The following SLCO3A1 variants were observed in gnomAD, a reference collection of about 807,000 sequenced individuals.
The protein encoded by SLCO3A1 is solute carrier organic anion transporter family member 3A1, also known as PGE1 transporter.
In SLCO3A1, 27 loss-of-function variants were observed where a neutral mutation model predicts 63.1. That is an observed-to-expected ratio of 0.43 (90% CI 0.32 to 0.59). SLCO3A1 has a LOEUF of 0.59. Among genes scored for constraint, SLCO3A1 ranks in the 20% least tolerant of loss-of-function variants. The probability of loss-of-function intolerance (pLI) is 0.09; values close to 1 mark genes in which losing one functional copy is unlikely to be tolerated. For missense variants in SLCO3A1, 773 were observed against 945.8 expected (o/e 0.82, Z 2.40); for synonymous variants, 473 against 409.9 (o/e 1.15, Z -1.86).
chr15:91,919,222 G>A (rs1014685293), intron 2 of SLCO3A1, among the ~76,000 whole-genome samples: 1 of 152,236 alleles, frequency 6.6e-6, no homozygotes, highest in African/African-American at 2.4e-5. Flanking sequence ...CTTGAATCAA[G>A]CCGATATTTT....
intron 2 of SLCO3A1, among the ~76,000 whole-genome samples, chr15:91,932,228 A>C (rs1235888736): frequency 1.3e-5 from 2 of 152,192 alleles, no homozygotes; most frequent in Non-Finnish European, 2.9e-5. Context: ...TCACTGATCA[A>C]ATCTGGCCTG....
At chr15:92,117,129 A>G (rs189009485) in intron 4 of SLCO3A1, among the ~76,000 whole-genome samples, 9 of 152,394 alleles carry the variant, frequency 5.9e-5, no homozygotes, top group African/African-American at 4.8e-5. Context: ...AAAGCATTCC[A>G]TTAACCGGAG....
chr15:91,960,877 T>G (rs1477156777), intron 2 of SLCO3A1, among the ~76,000 whole-genome samples: 1 of 152,232 alleles, frequency 6.6e-6, no homozygotes, highest in Non-Finnish European at 1.5e-5. Context: ...AGCATTTCCT[T>G]TGAGTGTCAT....
intron 9 of SLCO3A1, among the ~76,000 whole-genome samples, chr15:92,156,699 T>A (rs961370994): frequency 1.3e-5 from 2 of 152,240 alleles, no homozygotes; most frequent in African/African-American, 4.8e-5. Context: ...TTTCAGCATC[T>A]CCCTTTCTAG....
At chr15:92,162,673 T>A in intron 9 of SLCO3A1, 83 bp from the exon 10 acceptor site, 1 of 1,521,704 alleles carries the variant, frequency 6.6e-7, no homozygotes, top group Non-Finnish European at 8.8e-7. Flanking sequence ...CTAGCAGTGC[T>A]ATAAGAAAAG....
At chr15:91,955,100 C>G (rs117046215) in intron 2 of SLCO3A1, among the ~76,000 whole-genome samples, 5 of 152,150 alleles carry the variant, frequency 3.3e-5, no homozygotes, top group Admixed American at 1.3e-4. Context: ...GCCACTGTTG[C>G]AGGTGCTCCA....
intron 1 of SLCO3A1, among the ~76,000 whole-genome samples, chr15:91,895,869 C>T (rs1293332979): frequency 1.3e-5 from 2 of 152,208 alleles, no homozygotes; most frequent in African/African-American, 4.8e-5. Flanking sequence ...TGCAAATCTT[C>T]TCTTCAGAGC....
chr15:91,949,794 C>G (rs952717524), intron 2 of SLCO3A1, among the ~76,000 whole-genome samples: 1 of 151,874 alleles, frequency 6.6e-6, no homozygotes, highest in Non-Finnish European at 1.5e-5. Context: ...GCCTGGAGTT[C>G]AAGACCAGCC....
rs569126462 is a variant in SLCO3A1, at chr15:91,885,533, G to A, written c.181-30460G>A. 1.5e-4 allele frequency among the ~76,000 whole-genome samples: 23 copies of A among 151,666 alleles called. No individual in the cohort carries two copies. Among genetic ancestry groups the A allele is most frequent in the Non-Finnish European group, 2.8e-4 (19 of 67,562 alleles). On this transcript the variant is annotated intron_variant, in intron 1 of 9. Transcript: ENST00000318445. The surrounding 1 kb of genome is among the most constrained non-coding windows in gnomAD (Gnocchi z 4.7). Reference sequence around the variant, plus strand: ...AGGGAGCCCTTTGCTGCTGGGCAGCGGGGCCCAAGATCCTCACAGTCTTTT... The same window carrying A: ...AGGGAGCCCTTTGCTGCTGGGCAGCAGGGCCCAAGATCCTCACAGTCTTTT...
intron 2 of SLCO3A1, among the ~76,000 whole-genome samples, chr15:91,945,341 C>CAA (rs146934068): frequency 0.074 from 10,134 of 136,928 alleles, 445 homozygotes; most frequent in Non-Finnish European, 0.092. Flanking sequence ...GACTCCATCT[C>CAA]AAAAAAAAAA....
chr15:91,886,403 C>T lies in SLCO3A1; in HGVS notation c.181-29590C>T, dbSNP rs1897725284. 6.6e-6 allele frequency among the ~76,000 whole-genome samples: 1 copy of T among 152,186 alleles called. No individual in the cohort carries two copies. Among genetic ancestry groups the T allele is most frequent in the Non-Finnish European group, 1.5e-5 (1 of 68,034 alleles). On this transcript the variant is annotated intron_variant, in intron 1 of 9. Transcript: ENST00000318445. This position sits in a 1 kb window ranked among gnomAD's most constrained non-coding sequence, Gnocchi z 4.9. ...TGAGCCCCTGGCCCGCTGCACCTAC[C>T]TTGGGTCTGGGTGGCTCCTGTTTGT... is the stretch of plus-strand genomic sequence containing the variant.
chr15:92,088,448 C>A (rs965594306), intron 2 of SLCO3A1, among the ~76,000 whole-genome samples: 3 of 152,206 alleles, frequency 2.0e-5, no homozygotes, highest in Admixed American at 2.0e-4. Flanking sequence ...TCTGAGAAGT[C>A]TTGGAGTTTA....
chr15:92,162,953 A>G lies in SLCO3A1; in HGVS notation c.1951A>G (p.Asn651Asp). The G allele has an allele frequency of 6.2e-7, 1 of 1,614,122 alleles. No homozygotes were observed. The highest frequency in any genetic ancestry group is 1.3e-5 in the African/African-American group (1 of 75,010). ...YTTTWQCLRKNYKRYIKNHEG... is the reference protein window; with the variant it reads ...YTTTWQCLRKDYKRYIKNHEG... ...CACCACGTGGCAGTGCCTGAGGAAAAACTATAAACGCTACATCAAAAACCA... is the reference window on the plus strand; with the variant it reads ...CACCACGTGGCAGTGCCTGAGGAAAGACTATAAACGCTACATCAAAAACCA... Residue 651 changes from asparagine to aspartate, a missense_variant, in exon 10 of 10, where the codon AAC becomes GAC. This residue lies in a region of SLCO3A1 where 139 missense variants were observed against 131.4 expected (regional missense o/e 1.06). Coordinates refer to ENST00000318445, the MANE Select transcript of SLCO3A1 (RefSeq NM_013272.4).
At chr15:91,956,783 T>C in intron 2 of SLCO3A1, among the ~76,000 whole-genome samples, 1 of 128,292 alleles carries the variant, frequency 7.8e-6, no homozygotes, top group South Asian at 2.5e-4. Context: ...CCTTGCCTTC[T>C]TTTTTTTTTT....
chr15:92,025,719 G>A (rs1052666201), intron 2 of SLCO3A1, among the ~76,000 whole-genome samples: 2 of 152,186 alleles, frequency 1.3e-5, no homozygotes, highest in African/African-American at 4.8e-5. Flanking sequence ...GTTAAACTGG[G>A]ATGATCTGGG....
At chr15:92,028,619 C>G (rs900625733) in intron 2 of SLCO3A1, among the ~76,000 whole-genome samples, 9 of 152,054 alleles carry the variant, frequency 5.9e-5, no homozygotes, top group African/African-American at 9.7e-5. Context: ...GATTTGGGAC[C>G]TAATGCAATA....
intron 2 of SLCO3A1, among the ~76,000 whole-genome samples, chr15:91,965,555 T>C (rs1404202883): frequency 3.3e-5 from 5 of 152,148 alleles, no homozygotes; most frequent in Non-Finnish European, 7.4e-5. Context: ...CCCTTCCCTT[T>C]TGTTTTTCTA....
intron 8 of SLCO3A1, among the ~76,000 whole-genome samples, chr15:92,148,058 A>G (rs1309807110): frequency 6.6e-6 from 1 of 152,206 alleles, no homozygotes; most frequent in Non-Finnish European, 1.5e-5. Flanking sequence ...CTCTACAAAA[A>G]GTAGCAGGGC....
rs1030047811 is a variant in SLCO3A1 at position 92,171,741 on chromosome 15, C to CT, written c.1997-34dup. 3.2e-5 allele frequency: 46 copies of CT among 1,428,348 alleles called. No homozygotes were observed. The Admixed American group carries it at 4.5e-4, about 14-fold the overall frequency. 88.5% of individuals were successfully genotyped at this position (1,428,348 alleles called of 1,614,324 possible). ...TAGGTGAAGCAGAAAAGACCGATCTCTTTTTCCTCTTGGCTCTTCTTCCCT... is the reference window on the plus strand; with the variant it reads ...TAGGTGAAGCAGAAAAGACCGATCTCTTTTTTCCTCTTGGCTCTTCTTCCCT... On this transcript the variant is annotated intron_variant, in intron 10 of 10. Transcript: ENST00000424469.
Sources: allele counts gnomAD v4.1 joint callset (sites outside exome capture counted in the v4.1 genomes callset), GRCh38; gene constraint gnomAD v4.1.1; regional missense constraint gnomAD v4.1.1; non-coding constraint Gnocchi (gnomAD v3.1); transcripts MANE v1.5; gene names NCBI Gene and HGNC (gene_info 2026-07-23, HGNC 2026-07-21).